The following NOD2 variants were observed in gnomAD, a reference collection of about 807,000 sequenced individuals.
NOD2 encodes nucleotide-binding oligomerization domain-containing protein 2.
A neutral mutation model predicts 90.9 loss-of-function variants in NOD2; 86 were observed. The observed-to-expected ratio is 0.95, with a 90% CI of 0.79 to 1.13. NOD2 has a LOEUF of 1.13. Ranked by LOEUF, NOD2 falls within the 50% of genes most tolerant of loss-of-function variation. The probability of loss-of-function intolerance (pLI) is 0.00; values close to 1 mark genes in which losing one functional copy is unlikely to be tolerated. For synonymous variants in NOD2, 581 were observed against 554.6 expected (o/e 1.05, Z -0.67); for missense variants, 1,238 against 1,283.8 (o/e 0.96, Z 0.55).
chr16:50,695,009 G>T (rs1023755446), intron 1 of NOD2, among the ~76,000 whole-genome samples: 1 of 152,152 alleles, frequency 6.6e-6, no homozygotes, highest in Non-Finnish European at 1.5e-5. Context: ...ATAAGGAATT[G>T]AGGGGTGAGC....
chr16:50,715,798 C>T (rs369051907), intron 4 of NOD2: 3 of 152,436 alleles, frequency 2.0e-5, no homozygotes, highest in East Asian at 1.9e-4. Flanking sequence ...TGAGGCACTC[C>T]AGAGCCTGAG....
At chr16:50,700,113 G>C (rs570234500) in intron 2 of NOD2, among the ~76,000 whole-genome samples, 159 bp downstream of exon 2, 1 of 152,216 alleles carries the variant, frequency 6.6e-6, no homozygotes, top group Admixed American at 6.5e-5. Context: ...TTGACTCTTG[G>C]CAGGAAACGT....
intron 1 of NOD2, among the ~76,000 whole-genome samples, chr16:50,694,698 C>T (rs879694565): frequency 3.9e-5 from 6 of 152,140 alleles, no homozygotes; most frequent in South Asian, 4.1e-4. Flanking sequence ...GTCTGTCTCC[C>T]GGAGCCATGC....
intron 11 of NOD2, 143 bp from the exon 12 acceptor site, chr16:50,731,604 C>T: frequency 1.4e-6 from 1 of 695,800 alleles, no homozygotes; most frequent in South Asian, 1.5e-5. Context: ...AAAAACAGCC[C>T]TGACTTCCCT....
intron 10 of NOD2, chr16:50,727,814 T>A: frequency 2.8e-6 from 1 of 363,248 alleles, no homozygotes; most frequent in South Asian, 2.2e-5. Context: ...CCGAGCATAC[T>A]TCTCATATGT....
chr16:50,697,820 G>A (rs989661046), intron 1 of NOD2: 2 of 207,304 alleles, frequency 9.6e-6, no homozygotes, highest in African/African-American at 2.3e-5. Context: ...CTGAGAGATT[G>A]GAGCTTTCTC....
At chr16:50,725,822 T>C (rs935135202) in intron 10 of NOD2, among the ~76,000 whole-genome samples, 1 of 152,188 alleles carries the variant, frequency 6.6e-6, no homozygotes, top group Middle Eastern at 3.4e-3. Context: ...AGGGGAGTTA[T>C]CAAGCCAGTT....
At chr16:50,731,699 C>T (rs1309413196) in intron 11 of NOD2, 48 bp from the exon 12 acceptor site, 4 of 1,295,420 alleles carry the variant, frequency 3.1e-6, no homozygotes, top group Non-Finnish European at 4.5e-6. Context: ...GAAAGCCCTG[C>T]TCTAATTTTG....
rs139104022 is a variant in NOD2 at position 50,712,016 on chromosome 16, G to C, written c.2024G>C (p.Arg675Pro). The part of the protein sequence containing the change: ...ECQTSEKALL[R>P]RQACARWCLA... The stretch of plus-strand genomic sequence containing the variant: ...CAGACATCTGAGAAGGCCCTGCTCC[G>C]GCGCCAGGCCTGTGCCCGCTGGTGT... The change falls in exon 4 of 12, where the codon CGG becomes CCG. Residue 675 changes from arginine (R) to proline (P), a missense_variant. Arg to Pro is a moderately radical substitution (Grantham distance 103). Around this residue, in one of 3 missense-constraint regions of NOD2, gnomAD observed 667 missense variants for 688.7 expected, o/e 0.97. Transcript: ENST00000647318. The C allele has an allele frequency of 6.2e-7, 1 of 1,613,042 alleles. No individual in the cohort carries two copies. Among genetic ancestry groups the C allele is most frequent in the African/African-American group, 1.3e-5 (1 of 74,954 alleles).
Position 50,716,969 on chromosome 16 carries a change from A to G in NOD2, c.2544A>G (p.Ala848=). The change falls in exon 6 of 12, where the codon GCA becomes GCG. Residue 848 remains alanine, a synonymous_variant. Coordinates refer to ENST00000647318, the MANE Select transcript of NOD2 (RefSeq NM_001370466.1). ...TTGCATGCAGGCAGAACTTCTTGGC[A>G]TTGAGGTGAGCCCAGGTTTTCCTTA... The part of the protein sequence containing the change: ...KLLACRQNFL[A]LRLGNNYITA... 4 of 1,614,194 alleles carry G rather than the reference A, an allele frequency of 2.5e-6. No homozygotes were observed. Among genetic ancestry groups the G allele is most frequent in the Non-Finnish European group, 3.4e-6 (4 of 1,179,996 alleles).
intron 10 of NOD2, among the ~76,000 whole-genome samples, chr16:50,726,786 T>TA (rs988801456): frequency 2.0e-5 from 3 of 152,212 alleles, no homozygotes; most frequent in Non-Finnish European, 4.4e-5. Context: ...ATATCTTTTA[T>TA]AAAAAAGAGA....
intron 1 of NOD2, 98 bp from the exon 2 acceptor site, chr16:50,699,390 A>G (rs1455842677): frequency 5.4e-5 from 52 of 964,794 alleles, no homozygotes; most frequent in Admixed American, 1.7e-5. Flanking sequence ...ACCATGGCCA[A>G]CTCGGGTTCT....
Position 50,732,949 on chromosome 16 carries a change from G to A in NOD2, c.*1130G>A, listed in dbSNP as rs138313319. On this transcript the variant is annotated 3_prime_UTR_variant, in exon 12 of 12. Coordinates refer to ENST00000647318, the MANE Select transcript of NOD2 (RefSeq NM_001370466.1). ...ATGTTATTATTTTAAACATTATGATGTGTGAAAACTGGTTAATATTTATAG... is the reference window on the plus strand; with the variant it reads ...ATGTTATTATTTTAAACATTATGATATGTGAAAACTGGTTAATATTTATAG... 4 of 152,494 alleles carry A rather than the reference G, an allele frequency of 2.6e-5. No homozygotes were observed. The highest frequency in any genetic ancestry group is 9.6e-5 in the African/African-American group (4 of 41,596). The allele number at this position is 152,494 out of a possible 1,614,324, so 9.4% of individuals were successfully genotyped here.
At chr16:50,700,095 A>G in intron 2 of NOD2, 141 bp downstream of exon 2, 1 of 746,566 alleles carries the variant, frequency 1.3e-6, no homozygotes, top group South Asian at 1.5e-5. Flanking sequence ...GGCAGGTAAA[A>G]TTTGCTCTTG....
At chr16:50,720,237 G>A (rs530527891) in intron 7 of NOD2, among the ~76,000 whole-genome samples, 9 of 152,266 alleles carry the variant, frequency 5.9e-5, no homozygotes, top group African/African-American at 1.9e-4. Context: ...CAGTGCCCAC[G>A]AGCTGGTGAC....
chr16:50,724,882 C>G (rs1462590978), intron 9 of NOD2, among the ~76,000 whole-genome samples: 1 of 152,100 alleles, frequency 6.6e-6, no homozygotes, highest in Non-Finnish European at 1.5e-5. Context: ...TACAAGAGGC[C>G]AGGAGGGGTC....
At chr16:50,723,223 A>C in intron 8 of NOD2, 78 bp from the exon 9 acceptor site, 1 of 1,224,738 alleles carries the variant, frequency 8.2e-7, no homozygotes, top group Non-Finnish European at 1.2e-6. Flanking sequence ...AGCACCACGA[A>C]TTTTGCCCTC....
At chr16:50,714,448 C>T (rs929602935) in intron 4 of NOD2, among the ~76,000 whole-genome samples, 2 of 152,088 alleles carry the variant, frequency 1.3e-5, no homozygotes, top group Non-Finnish European at 2.9e-5. Flanking sequence ...CAAGTGGTCT[C>T]GCCCTGGGAG....
intron 11 of NOD2, among the ~76,000 whole-genome samples, chr16:50,730,508 T>C (rs1015662755): frequency 6.6e-6 from 1 of 152,236 alleles, no homozygotes; most frequent in South Asian, 2.1e-4. Context: ...GGGATCTATT[T>C]CTCAGACAAT....
Sources: gnomAD v4.1 joint callset for allele counts (sites outside exome capture counted in the v4.1 genomes callset) on GRCh38, gnomAD v4.1.1 for gene constraint, gnomAD v4.1.1 regional missense constraint, MANE v1.5 for transcripts, NCBI Gene and HGNC (gene_info 2026-07-23, HGNC 2026-07-21) for gene names.